ARPP21: variants seen among roughly 807,000 people sequenced by gnomAD.
ARPP21 encodes cAMP-regulated phosphoprotein 21.
ARPP21 carries 69 observed loss-of-function variants against 113.2 expected under a neutral mutation model. That is an observed-to-expected ratio of 0.61 (90% CI 0.50 to 0.74). ARPP21 has a LOEUF of 0.74. ARPP21 is among the 30% of genes least tolerant of loss of function. The pLI is 0.00. For missense variants in ARPP21, 1,070 were observed against 1,037.4 expected, an observed-to-expected ratio of 1.03 and a Z score of -0.43; for synonymous variants, 368 against 375.5, an observed-to-expected ratio of 0.98 and a Z score of 0.23.
In ARPP21 at chr3:35,681,959, A is replaced by G. The variant is rs544898059; in HGVS notation, c.129+79A>G. 2.8e-6 allele frequency: 4 copies of G among 1,444,604 alleles called. No homozygotes were observed. The South Asian group carries it at 6.2e-5, about 22-fold the overall frequency. 89.5% of individuals were successfully genotyped at this position (1,444,604 alleles called of 1,614,324 possible). A position where few individuals can be genotyped will look rare whatever the true frequency, so the allele number is the denominator to read the frequency against. On this transcript the variant is annotated intron_variant, in intron 3 of 20. Coordinates refer to ENST00000684406, the MANE Select transcript of ARPP21 (RefSeq NM_001385562.1). ...CTTTTATTTTCAGAATACTTTAGAG[A>G]TTTATTTTTTAAAGAGTTTCACTGG...
intron 19 of ARPP21, among the ~76,000 whole-genome samples, chr3:35,761,962 C>T (rs564396150): frequency 1.3e-5 from 2 of 152,138 alleles, no homozygotes; most frequent in South Asian, 2.1e-4. Context: ...ACCGTTGATG[C>T]CATCCATCCA....
chr3:35,722,261 A>G (rs914890458), intron 14 of ARPP21, among the ~76,000 whole-genome samples: 13 of 152,202 alleles, frequency 8.5e-5, no homozygotes, highest in African/African-American at 3.1e-4. Context: ...AAATTTAGTA[A>G]TATGAATTAT....
At chr3:35,649,234 T>G (rs1305997799) in intron 1 of ARPP21, among the ~76,000 whole-genome samples, 1 of 152,204 alleles carries the variant, frequency 6.6e-6, no homozygotes, top group Non-Finnish European at 1.5e-5. Flanking sequence ...CTTAAGCAGA[T>G]TTGATATTCA....
chr3:35,776,548 A>G (rs1400473956), intron 19 of ARPP21, among the ~76,000 whole-genome samples: 2 of 152,110 alleles, frequency 1.3e-5, no homozygotes, highest in African/African-American at 4.8e-5. Flanking sequence ...TGCACTCAGC[A>G]CCCTTTTGCC....
At chr3:35,646,396 C>A (rs571044759) in intron 1 of ARPP21, among the ~76,000 whole-genome samples, 25 of 152,148 alleles carry the variant, frequency 1.6e-4, no homozygotes, top group African/African-American at 6.0e-4. Context: ...GAAATCCCAG[C>A]GTTGCTAGCA....
In ARPP21 at chr3:35,734,775, A is replaced by G. The variant is rs569260247; in HGVS notation, c.1460-2403A>G. 1.2e-4 allele frequency among the ~76,000 whole-genome samples: 19 copies of G among 152,242 alleles called. No homozygotes were observed. The South Asian group carries it at 2.7e-3, about 22-fold the overall frequency. On this transcript the variant is annotated intron_variant, in intron 15 of 20. Coordinates refer to ENST00000684406, the MANE Select transcript of ARPP21 (RefSeq NM_001385562.1). ...TACAATCTCAGCATTTTCCTCCCCAACCTGCTCCATTTTACTTTCCTAATT... is the reference window on the plus strand; with the variant it reads ...TACAATCTCAGCATTTTCCTCCCCAGCCTGCTCCATTTTACTTTCCTAATT...
chr3:35,750,309 G>T (rs56091467), intron 19 of ARPP21, among the ~76,000 whole-genome samples: 1 of 151,672 alleles, frequency 6.6e-6, no homozygotes, highest in African/African-American at 2.4e-5. Flanking sequence ...TTTTCTCTGA[G>T]ACCTTATCTT....
At chr3:35,667,841 A>AAGAAGAAAAGAAGAAGAAGAAGAAG (rs1559547262) in intron 1 of ARPP21, among the ~76,000 whole-genome samples, 12 of 81,542 alleles carry the variant, frequency 1.5e-4, no homozygotes, top group African/African-American at 5.4e-4. Context: ...TTTTATTCTC[A>AAGAAGAAAAGAAGAAGAAGAAGAAG]AAGAAGAAGA....
chr3:35,715,616 CAT>C (rs899397684), intron 12 of ARPP21, 140 bp downstream of exon 12: 86 of 573,814 alleles, frequency 1.5e-4, no homozygotes, highest in African/African-American at 1.4e-3. Context: ...TGCGTACACA[CAT>C]ATATGTTATT....
chr3:35,678,501 G>T (rs2078076264), intron 1 of ARPP21, among the ~76,000 whole-genome samples: 1 of 151,912 alleles, frequency 6.6e-6, no homozygotes, highest in Non-Finnish European at 1.5e-5. Flanking sequence ...CTATTGATTA[G>T]CAATCCACTT....
intron 1 of ARPP21, among the ~76,000 whole-genome samples, chr3:35,665,720 T>C (rs1274354496): frequency 2.6e-5 from 4 of 152,166 alleles, no homozygotes; most frequent in Non-Finnish European, 4.4e-5. Context: ...CAGCTGCAGA[T>C]GAAGAGCTAC....
chr3:35,663,387 G>T (rs1040032799), intron 1 of ARPP21, among the ~76,000 whole-genome samples: 3 of 152,136 alleles, frequency 2.0e-5, no homozygotes, highest in Admixed American at 1.3e-4. Flanking sequence ...CAGTCTGGGC[G>T]CATAGTTCTT....
At chr3:35,760,892 G>A (rs528011494) in intron 19 of ARPP21, among the ~76,000 whole-genome samples, 2 of 152,038 alleles carry the variant, frequency 1.3e-5, no homozygotes, top group African/African-American at 4.8e-5. Flanking sequence ...CTGAATTTCT[G>A]AGGGCTGGGC....
At chr3:35,668,248 A>G (rs11720751) in intron 1 of ARPP21, among the ~76,000 whole-genome samples, 44,623 of 152,122 alleles carry the variant, frequency 0.29, 7,163 homozygotes, top group East Asian at 0.49. Context: ...TTAAAATAAA[A>G]TGGAAACCTA....
At chr3:35,715,152 T>G in intron 11 of ARPP21, 1 of 291,748 alleles carries the variant, frequency 3.4e-6, no homozygotes, top group Non-Finnish European at 6.5e-6. Flanking sequence ...GGCCACACGT[T>G]TCTCCAGCTG....
At chr3:35,744,089 G>A in intron 19 of ARPP21, 124 bp downstream of exon 19, 4 of 1,011,690 alleles carry the variant, frequency 4.0e-6, no homozygotes, top group Non-Finnish European at 6.0e-6. Flanking sequence ...ACCCAGAGAA[G>A]ATAACAAAGC....
At chr3:35,739,630 G>T in intron 18 of ARPP21, 53 bp downstream of exon 18, 1 of 1,541,730 alleles carries the variant, frequency 6.5e-7, no homozygotes, top group South Asian at 1.3e-5. Flanking sequence ...GATGCATTTT[G>T]ACCTTTATCT....
At chr3:35,691,648 T>G (rs1267087470) in intron 9 of ARPP21, among the ~76,000 whole-genome samples, 1 of 151,584 alleles carries the variant, frequency 6.6e-6, no homozygotes, top group African/African-American at 2.4e-5. Context: ...TGTTTTTCTC[T>G]TAATACCGGT....
At chr3:35,717,215 T>A in intron 12 of ARPP21, 83 bp from the exon 13 acceptor site, 3 of 768,778 alleles carry the variant, frequency 3.9e-6, no homozygotes, top group Non-Finnish European at 6.9e-6. Flanking sequence ...ATTTGTGCTG[T>A]AGTAGAGTAC....
Sources: allele counts gnomAD v4.1 joint callset (sites outside exome capture counted in the v4.1 genomes callset), GRCh38; gene constraint gnomAD v4.1.1; transcripts MANE v1.5; gene names NCBI Gene and HGNC (gene_info 2026-07-23, HGNC 2026-07-21).